Variants in DPP6 observed in about 807,000 individuals in gnomAD.
DPP6 encodes dipeptidyl peptidase like 6.
Under a neutral mutation model 122.6 loss-of-function variants are expected in DPP6, and 69 were observed. That is an observed-to-expected ratio of 0.56 (90% confidence interval 0.46 to 0.69). The LOEUF is 0.69. Ranked by LOEUF, DPP6 falls within the 30% of genes least tolerant of loss-of-function variation. The pLI is 0.00. For synonymous variants in DPP6, 418 were observed against 433.1 expected (o/e 0.97, Z 0.43); for missense variants, 928 against 1,116.9 (o/e 0.83, Z 2.41).
At chr7:154,436,802 T>C (rs1349098843) in intron 1 of DPP6, among the ~76,000 whole-genome samples, 3 of 152,218 alleles carry the variant, frequency 2.0e-5, no homozygotes, top group Admixed American at 6.5e-5. Flanking sequence ...TGCAGCATCC[T>C]GGATTTCATG....
chr7:154,064,113 A>G (rs1421600073), intron 1 of DPP6, among the ~76,000 whole-genome samples: 1 of 152,164 alleles, frequency 6.6e-6, no homozygotes, highest in South Asian at 2.1e-4. Flanking sequence ...TAGGACAAAC[A>G]GAGCCCTGCT....
chr7:154,031,876 T>G (rs1363350387), intron 1 of DPP6, among the ~76,000 whole-genome samples: 26 of 77,226 alleles, frequency 3.4e-4, no homozygotes, highest in East Asian at 3.2e-3. Context: ...TTTTTTTTTT[T>G]TGGGGGACGG....
chr7:154,062,033 C>T (rs1802039022), intron 1 of DPP6, among the ~76,000 whole-genome samples: 1 of 127,898 alleles, frequency 7.8e-6, no homozygotes, highest in Non-Finnish European at 1.7e-5. Flanking sequence ...GAGGCACCCC[C>T]CGCGAGGCAG....
At chr7:154,721,773 C>T (rs76038921) in intron 7 of DPP6, among the ~76,000 whole-genome samples, 1,656 of 152,270 alleles carry the variant, frequency 0.011, 10 homozygotes, top group Admixed American at 0.017. Context: ...GAGACAGTAA[C>T]AGCAACAGAT....
intron 1 of DPP6, among the ~76,000 whole-genome samples, chr7:154,264,336 C>G (rs1412047093): frequency 6.6e-6 from 1 of 152,142 alleles, no homozygotes; most frequent in African/African-American, 2.4e-5. Context: ...GAGAAGCACA[C>G]TCCGAGTTCT....
At chr7:153,949,918 C>T (rs1229854247) in intron 1 of DPP6, among the ~76,000 whole-genome samples, 1 of 152,214 alleles carries the variant, frequency 6.6e-6, no homozygotes, top group African/African-American at 2.4e-5. Context: ...TGAGTGGCTA[C>T]TCTAGGGGGA....
chr7:154,034,873 C>G (rs2129056123), intron 1 of DPP6, among the ~76,000 whole-genome samples: 2 of 150,606 alleles, frequency 1.3e-5, no homozygotes, highest in South Asian at 4.3e-4. Context: ...GAAAGTCAGT[C>G]CATTAATTTG....
At chr7:154,307,659 C>A (rs2150990755) in intron 1 of DPP6, among the ~76,000 whole-genome samples, 1 of 152,208 alleles carries the variant, frequency 6.6e-6, no homozygotes, top group Admixed American at 6.5e-5. Flanking sequence ...AAAATAAAAT[C>A]CCTAAAGACA....
chr7:154,867,047 T>G (rs1803932003), intron 17 of DPP6, among the ~76,000 whole-genome samples: 1 of 152,116 alleles, frequency 6.6e-6, no homozygotes, highest in South Asian at 2.1e-4. Context: ...TAGCATTGTT[T>G]GTGATCATTT....
chr7:154,310,587 A>G (rs1383564142), intron 1 of DPP6, among the ~76,000 whole-genome samples: 3 of 152,182 alleles, frequency 2.0e-5, no homozygotes, highest in African/African-American at 7.2e-5. Context: ...CTGACATTCC[A>G]TTAAACCAAA....
In DPP6 at chr7:154,062,123, G is replaced by A. The variant is rs563423750; in HGVS notation, c.243+9060G>A. ...AGGGGGGACGCACCCCCCGCGAGGC[G>A]GGGACTGAGAGCCAGACCCTCATCC... On this transcript the variant is annotated intron_variant, in intron 1 of 25. Coordinates refer to ENST00000377770, the MANE Select transcript of DPP6 (RefSeq NM_130797.4). Among the ~76,000 whole-genome samples the A allele has an allele frequency of 1.6e-3, 154 of 98,152 alleles. 28 individuals carry two copies. Among genetic ancestry groups the A allele is most frequent in the African/African-American group, 5.6e-3 (143 of 25,680 alleles). 64.4% of individuals were successfully genotyped at this position (98,152 alleles called of 152,430 possible).
At chr7:153,973,477 C>G (rs950641254) in intron 1 of DPP6, among the ~76,000 whole-genome samples, 40 of 152,098 alleles carry the variant, frequency 2.6e-4, no homozygotes, top group Non-Finnish European at 5.6e-4. Context: ...GGGAGGAATT[C>G]CTGGGCAGTC....
intron 1 of DPP6, chr7:153,887,784 G>C: frequency 6.3e-7 from 1 of 1,599,302 alleles, no homozygotes; most frequent in East Asian, 2.2e-5. Context: ...CCCACCGTGA[G>C]GAGCGATGCT....
chr7:154,063,046 C>T lies in DPP6; in HGVS notation c.243+9983C>T, dbSNP rs1488668092. On this transcript the variant is annotated intron_variant, in intron 1 of 25. Coordinates refer to ENST00000377770, the MANE Select transcript of DPP6 (RefSeq NM_130797.4). Reference sequence around the variant, plus strand: ...GGAACCCCATCACAGGAGGGGGAGGCACCCCCCACGAGAGTGGGGACTGAG... The same window carrying T: ...GGAACCCCATCACAGGAGGGGGAGGTACCCCCCACGAGAGTGGGGACTGAG... 2.0e-4 allele frequency among the ~76,000 whole-genome samples: 26 copies of T among 133,116 alleles called. 3 individuals carry two copies. Among genetic ancestry groups the T allele is most frequent in the Non-Finnish European group, 4.0e-4 (24 of 60,554 alleles). The allele number at this position is 133,116 out of a possible 152,430, so 87.3% of individuals were successfully genotyped here. A position where few individuals can be genotyped will look rare whatever the true frequency, so the allele number is the denominator to read the frequency against.
intron 7 of DPP6, among the ~76,000 whole-genome samples, chr7:154,698,311 T>C (rs1365662248): frequency 6.6e-6 from 1 of 151,988 alleles, no homozygotes; most frequent in Non-Finnish European, 1.5e-5. Flanking sequence ...TAATATTCCC[T>C]GTTATCACTG....
chr7:153,801,184 T>C, the DPP6 span, among the ~76,000 whole-genome samples: 1 of 148,360 alleles, frequency 6.7e-6, no homozygotes, highest in East Asian at 2.0e-4. Flanking sequence ...TCACACAATT[T>C]TTTAGACAAT....
chr7:154,743,503 G>A (rs1407175446), intron 8 of DPP6, among the ~76,000 whole-genome samples: 1 of 152,160 alleles, frequency 6.6e-6, no homozygotes. Context: ...AGTGTGTGGT[G>A]AAGTGAGAGA....
At chr7:153,858,325 G>T in the DPP6 span, among the ~76,000 whole-genome samples, 1 of 152,166 alleles carries the variant, frequency 6.6e-6, no homozygotes, top group African/African-American at 2.4e-5. Flanking sequence ...ATCACCCAGG[G>T]GATTGGTTCT....
intron 1 of DPP6, among the ~76,000 whole-genome samples, chr7:153,908,548 G>GA (rs1799944842): frequency 6.6e-6 from 1 of 152,160 alleles, no homozygotes; most frequent in Non-Finnish European, 1.5e-5. Context: ...TCTGATAAGA[G>GA]AGAGACCTCA....
Sources: gnomAD v4.1 joint callset for allele counts (sites outside exome capture counted in the v4.1 genomes callset) on GRCh38, gnomAD v4.1.1 for gene constraint, MANE v1.5 for transcripts, NCBI Gene and HGNC (gene_info 2026-07-23, HGNC 2026-07-21) for gene names.